The following MCM9 variants were observed in gnomAD, a reference collection of about 807,000 sequenced individuals.
The protein encoded by MCM9 is DNA helicase MCM9.
MCM9 carries 55 observed loss-of-function variants against 72.8 expected under a neutral mutation model. That is an observed-to-expected ratio of 0.76 (90% CI 0.61 to 0.95). The LOEUF is 0.95. Ranked by LOEUF, MCM9 falls within the 40% of genes least tolerant of loss-of-function variation. The probability of loss-of-function intolerance (pLI) is 0.00; values close to 1 mark genes in which losing one functional copy is unlikely to be tolerated. For missense variants in MCM9, 1,279 were observed against 1,377.0 expected, an observed-to-expected ratio of 0.93 and a Z score of 1.13; for synonymous variants, 480 against 503.4, an observed-to-expected ratio of 0.95 and a Z score of 0.62.
At chr6:118,841,368 C>T (rs1001822477) in intron 9 of MCM9, among the ~76,000 whole-genome samples, 2 of 152,140 alleles carry the variant, frequency 1.3e-5, no homozygotes, top group Non-Finnish European at 2.9e-5. Context: ...CTTCTCCCTG[C>T]CTCTCTCTCC....
At chr6:118,916,196 T>TAA (rs1325267265) in intron 6 of MCM9, among the ~76,000 whole-genome samples, 1 of 140,446 alleles carries the variant, frequency 7.1e-6, no homozygotes, top group African/African-American at 2.6e-5. Context: ...CTGTCTACTT[T>TAA]AAAAAAAAAA....
At chr6:118,862,603 TGA>T (rs1776973832) in intron 8 of MCM9, among the ~76,000 whole-genome samples, 1 of 152,146 alleles carries the variant, frequency 6.6e-6, no homozygotes, top group African/African-American at 2.4e-5. Flanking sequence ...CATGCTCCTA[TGA>T]GAGTCTCATG....
chr6:118,934,326 C>T (rs9401101), intron 1 of MCM9: 25,918 of 152,250 alleles, frequency 0.17, 2,493 homozygotes, highest in African/African-American at 0.23. Flanking sequence ...CATTTCACAA[C>T]TTTCAAGTTC....
At chr6:118,912,414 G>A (rs1780621180) in intron 7 of MCM9, 1 of 152,096 alleles carries the variant, frequency 6.6e-6, no homozygotes. Context: ...TTTTGCAAAT[G>A]TAACATAAAT....
At chr6:118,922,323 G>A (rs1193693993) in intron 4 of MCM9, among the ~76,000 whole-genome samples, 1 of 152,032 alleles carries the variant, frequency 6.6e-6, no homozygotes, top group Non-Finnish European at 1.5e-5. Flanking sequence ...TCTACCTTGC[G>A]GGTGGTCAAA....
intron 8 of MCM9, among the ~76,000 whole-genome samples, chr6:118,890,923 C>A (rs1778903257): frequency 6.6e-6 from 1 of 152,104 alleles, no homozygotes; most frequent in East Asian, 1.9e-4. Context: ...TAGATTTGAA[C>A]AAAAGCTAGA....
chr6:118,865,377 T>A (rs1481739922), intron 8 of MCM9, among the ~76,000 whole-genome samples: 1 of 152,174 alleles, frequency 6.6e-6, no homozygotes, highest in Non-Finnish European at 1.5e-5. Flanking sequence ...ATTCCCTCTC[T>A]AAACTACTCT....
chr6:118,905,985 A>G (rs1443413238), intron 8 of MCM9, among the ~76,000 whole-genome samples: 1 of 152,218 alleles, frequency 6.6e-6, no homozygotes, highest in African/African-American at 2.4e-5. Context: ...TTCCATTACC[A>G]TGGATGACTT....
intron 8 of MCM9, among the ~76,000 whole-genome samples, chr6:118,905,100 T>C (rs944188877): frequency 6.6e-6 from 1 of 152,204 alleles, no homozygotes; most frequent in African/African-American, 2.4e-5. Context: ...CCTCCCAAAG[T>C]GCTGGGATTA....
intron 8 of MCM9, among the ~76,000 whole-genome samples, chr6:118,885,279 T>C (rs948440812): frequency 6.6e-6 from 1 of 151,920 alleles, no homozygotes; most frequent in Non-Finnish European, 1.5e-5. Context: ...TAATCTAAGC[T>C]TCTACGTTAA....
intron 8 of MCM9, chr6:118,905,613 TTGTG>T: frequency 1.3e-6 from 2 of 1,521,114 alleles, no homozygotes; most frequent in South Asian, 1.3e-5. Context: ...TAACAGCCTT[TTGTG>T]TGTGTGTGTT....
At chr6:118,900,416 T>C (rs1779729638) in intron 8 of MCM9, among the ~76,000 whole-genome samples, 1 of 152,222 alleles carries the variant, frequency 6.6e-6, no homozygotes, top group Non-Finnish European at 1.5e-5. Context: ...TGGATTAATG[T>C]TACTGGTGTT....
intron 8 of MCM9, among the ~76,000 whole-genome samples, chr6:118,880,837 T>C (rs1296504482): frequency 1.3e-5 from 2 of 152,184 alleles, no homozygotes; most frequent in Non-Finnish European, 2.9e-5. Context: ...CAGCAAACAT[T>C]TATTGTTAAT....
chr6:118,873,784 A>C (rs1294404379), intron 8 of MCM9, among the ~76,000 whole-genome samples: 1 of 152,224 alleles, frequency 6.6e-6, no homozygotes, highest in African/African-American at 2.4e-5. Flanking sequence ...GTATGAGGCC[A>C]ACATTACCTT....
chr6:118,932,574 A>G (rs1287707127), intron 2 of MCM9, 33 bp downstream of exon 2: 17 of 970,842 alleles, frequency 1.8e-5, no homozygotes, highest in Non-Finnish European at 2.1e-5. Context: ...ACACACACTC[A>G]TGTGTATTCT....
chr6:118,827,859 G>C (rs1382311242), intron 11 of MCM9, 68 bp downstream of exon 11: 3 of 1,433,708 alleles, frequency 2.1e-6, no homozygotes, highest in Non-Finnish European at 2.9e-6. Context: ...TGAATCCATG[G>C]TGCCAAGCCC....
At chr6:118,840,745 T>TCC in intron 9 of MCM9, among the ~76,000 whole-genome samples, 1 of 134,626 alleles carries the variant, frequency 7.4e-6, no homozygotes. Context: ...CCCCCCCCTT[T>TCC]TTTTTTTTTT....
At chr6:118,837,499 G>A (rs1399535864) in intron 9 of MCM9, among the ~76,000 whole-genome samples, 1 of 152,166 alleles carries the variant, frequency 6.6e-6, no homozygotes, top group South Asian at 2.1e-4. Context: ...TTGTGTGGGA[G>A]TCTAAGTGTT....
At chr6:118,878,996 C>T (rs1386575792) in intron 8 of MCM9, among the ~76,000 whole-genome samples, 1 of 152,000 alleles carries the variant, frequency 6.6e-6, no homozygotes, top group African/African-American at 2.4e-5. Context: ...GTGGAGGCTG[C>T]AGTGAGCCAA....
Sources: allele counts gnomAD v4.1 joint callset (sites outside exome capture counted in the v4.1 genomes callset), GRCh38; gene constraint gnomAD v4.1.1; transcripts MANE v1.5; gene names NCBI Gene and HGNC (gene_info 2026-07-23, HGNC 2026-07-21).